Variants in GABRB2 observed in about 807,000 individuals in gnomAD.
GABRB2 encodes gamma-aminobutyric acid type A receptor subunit beta2, also known as gamma-aminobutyric acid receptor subunit beta-2.
In GABRB2, 16 loss-of-function variants were observed where a neutral mutation model predicts 54.7. The ratio of observed to expected loss-of-function variants is 0.29; its 90% CI spans 0.20 to 0.44. The LOEUF (loss-of-function observed/expected upper bound fraction) is 0.44, where lower values mean the gene tolerates loss of function less well. Ranked by LOEUF, GABRB2 falls within the 20% of genes least tolerant of loss-of-function variation. The pLI, the probability that GABRB2 is intolerant of heterozygous loss-of-function variation, is 1.00. For synonymous variants in GABRB2, 244 were observed against 233.8 expected, an observed-to-expected ratio of 1.04 and a Z score of -0.40; for missense variants, 355 against 644.0, an observed-to-expected ratio of 0.55 and a Z score of 4.86.
rs377439488 is a variant in GABRB2, at chr5:161,410,991, G to A, written c.525C>T (p.Thr175=). 13 of 1,613,192 alleles carry A rather than the reference G, an allele frequency of 8.1e-6. No homozygotes were observed. The highest frequency in any genetic ancestry group is 1.0e-5 in the Non-Finnish European group (12 of 1,179,402). The change falls in exon 5 of 10, where the codon ACC becomes ACT. Residue 175 remains threonine, a synonymous_variant. Coordinates refer to ENST00000393959, the MANE Select transcript of GABRB2 (RefSeq NM_001371727.1). ...RRYPLDEQNC[T]LEIESYGYTT... is the part of the protein sequence containing the mutation. ...ACGACTTACAGCTCTCAATTTCCAAGGTGCAGTTTTGTTCATCCAGTGGGT... is the reference window on the plus strand; with the variant it reads ...ACGACTTACAGCTCTCAATTTCCAAAGTGCAGTTTTGTTCATCCAGTGGGT...
chr5:161,367,330 A>T (rs2113461916), intron 5 of GABRB2, among the ~76,000 whole-genome samples: 1 of 152,346 alleles, frequency 6.6e-6, no homozygotes, highest in East Asian at 1.9e-4. Context: ...TTGTGAAGAT[A>T]AATGAGATAA....
chr5:161,546,038 T>G (rs1760975931), intron 2 of GABRB2, among the ~76,000 whole-genome samples: 1 of 152,138 alleles, frequency 6.6e-6, no homozygotes, highest in African/African-American at 2.4e-5. Flanking sequence ...GGTTTGTGTC[T>G]CAACAAAGCA....
intron 3 of GABRB2, among the ~76,000 whole-genome samples, chr5:161,534,285 T>C (rs1435265473): frequency 1.3e-5 from 2 of 152,168 alleles, no homozygotes; most frequent in Non-Finnish European, 2.9e-5. Flanking sequence ...ATGCACAAGA[T>C]AGCCCTGACA....
At chr5:161,463,963 T>A (rs979129702) in intron 3 of GABRB2, among the ~76,000 whole-genome samples, 1 of 151,978 alleles carries the variant, frequency 6.6e-6, no homozygotes, top group African/African-American at 2.4e-5. Context: ...AGATATGTCA[T>A]CGACTTAAGT....
rs190327716 is a variant in GABRB2 at position 161,302,718 on chromosome 5, C to A, written c.1192-8290G>T. 2.3e-3 allele frequency among the ~76,000 whole-genome samples: 350 copies of A among 152,278 alleles called. 1 individual carries two copies. The highest frequency in any genetic ancestry group is 3.7e-3 in the Admixed American group (56 of 15,292). ...ACCCAAGTGACTTGAAATGCTTAAGCAATGGACTGTTAATCCCCTGGGAAT... is the reference window on the plus strand; with the variant it reads ...ACCCAAGTGACTTGAAATGCTTAAGAAATGGACTGTTAATCCCCTGGGAAT... On this transcript the variant is annotated intron_variant, in intron 9 of 9. Coordinates refer to ENST00000393959, the MANE Select transcript of GABRB2 (RefSeq NM_001371727.1).
chr5:161,308,149 C>T (rs1424476177), intron 9 of GABRB2, among the ~76,000 whole-genome samples: 1 of 152,164 alleles, frequency 6.6e-6, no homozygotes, highest in African/African-American at 2.4e-5. Flanking sequence ...GCGTGAGCCA[C>T]CATGCCCAGC....
rs1473728574 is a variant in GABRB2, at chr5:161,460,268, A to ATATATATATG, written c.238-425_238-424insCATATATATA. Reference sequence around the variant, plus strand: ...GCCAAGAAAACAAATTTATATATATATGTGTGTGTGTGTGTGTGTGTGTGT... The same window carrying ATATATATATG: ...GCCAAGAAAACAAATTTATATATATATATATATATGTGTGTGTGTGTGTGTGTGTGTGTGT... On this transcript the variant is annotated intron_variant, in intron 3 of 9. Transcript: ENST00000393959. Among the ~76,000 whole-genome samples the ATATATATATG allele has an allele frequency of 5.2e-3, 780 of 148,648 alleles. 5 individuals are homozygous for ATATATATATG. The highest frequency in any genetic ancestry group is 0.016 in the African/African-American group (664 of 40,494).
At chr5:161,374,271 A>G (rs1335124883) in intron 5 of GABRB2, among the ~76,000 whole-genome samples, 1 of 152,068 alleles carries the variant, frequency 6.6e-6, no homozygotes, top group Non-Finnish European at 1.5e-5. Flanking sequence ...GCTCTATCCT[A>G]TTGAATCCAA....
chr5:161,326,453 C>A lies in GABRB2; in HGVS notation c.1106G>T (p.Gly369Val). 1 of 1,613,136 alleles carries A rather than the reference C, an allele frequency of 6.2e-7. No individual in the cohort carries two copies. Among genetic ancestry groups the A allele is most frequent in the Non-Finnish European group, 8.5e-7 (1 of 1,179,480 alleles). ...GTCCCACAAGGATCGATATTGGGTCCCATTTTGTTTAATATCTTTATAAAA... is the reference window on the plus strand; with the variant it reads ...GTCCCACAAGGATCGATATTGGGTCACATTTTGTTTAATATCTTTATAAAA... ...KIFYKDIKQN[G>V]TQYRSLWDPT... The change falls in exon 9 of 10, where the codon GGG becomes GTG. Residue 369 changes from glycine (G) to valine (V), a missense_variant. Gly to Val is a moderately radical substitution (Grantham distance 109, BLOSUM62 -3). Transcript: ENST00000393959.
intron 3 of GABRB2, among the ~76,000 whole-genome samples, chr5:161,494,244 T>G (rs934159690): frequency 6.6e-6 from 1 of 151,860 alleles, no homozygotes; most frequent in Admixed American, 6.6e-5. Context: ...TTAGAGCTTG[T>G]AATCTATTTA....
chr5:161,314,526 A>G (rs1308757759), intron 9 of GABRB2, among the ~76,000 whole-genome samples: 1 of 152,170 alleles, frequency 6.6e-6, no homozygotes, highest in Non-Finnish European at 1.5e-5. Context: ...AAAAGTTCCT[A>G]ATTTCTATAG....
At chr5:161,423,838 A>G (rs958492729) in intron 4 of GABRB2, among the ~76,000 whole-genome samples, 4 of 152,186 alleles carry the variant, frequency 2.6e-5, no homozygotes, top group African/African-American at 9.6e-5. Context: ...TTATGAACGC[A>G]AAACAAAAGT....
At chr5:161,388,881 A>G (rs895166854) in intron 5 of GABRB2, among the ~76,000 whole-genome samples, 1 of 152,042 alleles carries the variant, frequency 6.6e-6, no homozygotes, top group Non-Finnish European at 1.5e-5. Flanking sequence ...ATAAAATCAC[A>G]TACAATATCC....
intron 4 of GABRB2, among the ~76,000 whole-genome samples, chr5:161,418,792 G>GA (rs962152305): frequency 2.6e-5 from 4 of 151,748 alleles, no homozygotes; most frequent in Admixed American, 6.6e-5. Context: ...AATGGAACAA[G>GA]AAAAAAAATA....
At chr5:161,517,799 AT>A (rs35731363) in intron 3 of GABRB2, among the ~76,000 whole-genome samples, 17,272 of 144,022 alleles carry the variant, frequency 0.12, 2,374 homozygotes, top group African/African-American at 0.34. Context: ...AAAATTTCTG[AT>A]TTTTTTTTTT....
At chr5:161,384,626 T>C (rs1291755374) in intron 5 of GABRB2, among the ~76,000 whole-genome samples, 1 of 152,174 alleles carries the variant, frequency 6.6e-6, no homozygotes, top group Non-Finnish European at 1.5e-5. Context: ...TTGGTGAAAC[T>C]TCACCAGAAA....
intron 3 of GABRB2, among the ~76,000 whole-genome samples, chr5:161,465,918 A>C (rs1185979187): frequency 6.6e-6 from 1 of 152,110 alleles, no homozygotes; most frequent in African/African-American, 2.4e-5. Flanking sequence ...ATATATAATA[A>C]TATTAACTAC....
chr5:161,410,968 G>C lies in GABRB2; in HGVS notation c.541+7C>G, dbSNP rs373480281. The stretch of plus-strand genomic sequence containing the variant: ...TCCAGTCTAGCTGGATTCTCAGAAC[G>C]ACTTACAGCTCTCAATTTCCAAGGT... On this transcript the variant is annotated splice_region_variant and intron_variant, in intron 5 of 9. Coordinates refer to ENST00000393959, the MANE Select transcript of GABRB2 (RefSeq NM_001371727.1). 1.1e-5 allele frequency: 18 copies of C among 1,608,748 alleles called. No individual in the cohort carries two copies. The highest frequency in any genetic ancestry group is 1.4e-5 in the Non-Finnish European group (16 of 1,175,500).
chr5:161,305,786 G>C (rs978514679), intron 9 of GABRB2, among the ~76,000 whole-genome samples: 1 of 152,212 alleles, frequency 6.6e-6, no homozygotes, highest in African/African-American at 2.4e-5. Context: ...AGACAGTCCA[G>C]TCAGTCAACC....
Sources: allele counts gnomAD v4.1 joint callset (sites outside exome capture counted in the v4.1 genomes callset), GRCh38; gene constraint gnomAD v4.1.1; transcripts MANE v1.5; gene names NCBI Gene and HGNC (gene_info 2026-07-23, HGNC 2026-07-21).